Variants in RIMS1 observed in about 807,000 individuals in gnomAD.
RIMS1 encodes the protein regulating synaptic membrane exocytosis 1, also known as regulating synaptic membrane exocytosis protein 1.
RIMS1 carries 83 observed loss-of-function variants against 214.1 expected under a neutral mutation model. The observed-to-expected ratio is 0.39, with a 90% CI of 0.32 to 0.47. The LOEUF (loss-of-function observed/expected upper bound fraction) is 0.47, where lower values mean the gene tolerates loss of function less well. RIMS1 is among the 20% of genes least tolerant of loss of function. The pLI is 0.99. For synonymous variants in RIMS1, 793 were observed against 786.8 expected (o/e 1.01, Z -0.13); for missense variants, 2,050 against 2,161.8 (o/e 0.95, Z 1.03).
At chr6:72,211,685 T>C (rs908279222) in intron 6 of RIMS1, among the ~76,000 whole-genome samples, 3 of 152,146 alleles carry the variant, frequency 2.0e-5, no homozygotes, top group African/African-American at 7.2e-5. Flanking sequence ...AAAGTCAGAT[T>C]AATTTTGCAT....
In RIMS1 at chr6:71,886,867, T is replaced by TCTG. The variant is rs755283556; in HGVS notation, c.-140_-138dup. 310 of 732,696 alleles carry TCTG rather than the reference T, an allele frequency of 4.2e-4. No homozygotes were observed. The highest frequency in any genetic ancestry group is 2.6e-3 in the African/African-American group (146 of 56,616). 45.4% of individuals were successfully genotyped at this position (732,696 alleles called of 1,614,324 possible). On this transcript the variant is annotated 5_prime_UTR_variant, in exon 1 of 34. Coordinates refer to ENST00000521978, the MANE Select transcript of RIMS1 (RefSeq NM_014989.7). The stretch of plus-strand genomic sequence containing the variant: ...AGACTGGGTTCTCGCTCTCCCCGGC[T>TCTG]CTGCTGCTGCTGCTGCTGCCGCCGC...
At chr6:72,269,477 A>G (rs1042471008) in intron 22 of RIMS1, among the ~76,000 whole-genome samples, 14 of 152,178 alleles carry the variant, frequency 9.2e-5, no homozygotes, top group Non-Finnish European at 1.9e-4. Flanking sequence ...ACCCTCCACT[A>G]TGATTGACCA....
intron 4 of RIMS1, among the ~76,000 whole-genome samples, chr6:72,174,190 C>G (rs1296711886): frequency 6.6e-6 from 1 of 152,192 alleles, no homozygotes; most frequent in Non-Finnish European, 1.5e-5. Flanking sequence ...CATACATACA[C>G]TTAGCAGAAA....
rs114708717 is a variant in RIMS1 at position 72,013,008 on chromosome 6, G to A, written c.245+43945G>A. Among the ~76,000 whole-genome samples the A allele has an allele frequency of 7.5e-3, 1,135 of 152,300 alleles. 11 individuals carry two copies. Among genetic ancestry groups the A allele is most frequent in the African/African-American group, 0.026 (1,073 of 41,560 alleles). The stretch of plus-strand genomic sequence containing the variant: ...GTGTTTAAATTATGCCTGTCTCTAT[G>A]TCTATGTAGGTGACGCTGTGCAAAC... On this transcript the variant is annotated intron_variant, in intron 2 of 33. Transcript: ENST00000521978.
intron 2 of RIMS1, among the ~76,000 whole-genome samples, chr6:71,979,936 A>T (rs1180572058): frequency 6.6e-6 from 1 of 152,118 alleles, no homozygotes; most frequent in Non-Finnish European, 1.5e-5. Context: ...AATTAATGTG[A>T]ATATCACTGA....
At chr6:72,013,337 T>C (rs1049603456) in intron 2 of RIMS1, among the ~76,000 whole-genome samples, 2 of 152,240 alleles carry the variant, frequency 1.3e-5, no homozygotes, top group Non-Finnish European at 2.9e-5. Flanking sequence ...GAGAATGTTT[T>C]ACTCTAATTC....
chr6:72,117,460 G>T (rs116758499), intron 4 of RIMS1, among the ~76,000 whole-genome samples: 1,960 of 151,632 alleles, frequency 0.013, 48 homozygotes, highest in African/African-American at 0.045. Context: ...TAGTCCTGTC[G>T]GTGGAATATT....
intron 2 of RIMS1, among the ~76,000 whole-genome samples, chr6:72,027,717 T>A (rs918463762): frequency 4.6e-5 from 7 of 152,150 alleles, no homozygotes; most frequent in Non-Finnish European, 1.0e-4. Flanking sequence ...CACCTGAGAC[T>A]GTATCCCATG....
chr6:71,925,680 G>A (rs1781374135), intron 1 of RIMS1, among the ~76,000 whole-genome samples: 1 of 152,182 alleles, frequency 6.6e-6, no homozygotes, highest in South Asian at 2.1e-4. Flanking sequence ...AGGCAAAGGT[G>A]CAAAATGGTC....
intron 4 of RIMS1, among the ~76,000 whole-genome samples, chr6:72,162,278 T>C (rs1273577111): frequency 7.1e-6 from 1 of 140,550 alleles, no homozygotes; most frequent in Admixed American, 7.3e-5. Flanking sequence ...AGGCTATGTG[T>C]GTCTCTGCAT....
chr6:72,099,117 G>C (rs1161793640), intron 3 of RIMS1, among the ~76,000 whole-genome samples: 1 of 152,212 alleles, frequency 6.6e-6, no homozygotes, highest in African/African-American at 2.4e-5. Context: ...TGCTTGCTAA[G>C]CACCCACAAC....
chr6:71,887,234 G>C lies in RIMS1; in HGVS notation c.164+47G>C, dbSNP rs1371237933. On this transcript the variant is annotated intron_variant, in intron 1 of 33. Coordinates refer to ENST00000521978, the MANE Select transcript of RIMS1 (RefSeq NM_014989.7). ...CATCCATGCCTCCGTGCCTCCATCC[G>C]TCCATTCACCACTCACTCCCCTAGT... 3.4e-5 allele frequency: 53 copies of C among 1,569,334 alleles called. No homozygotes were observed. The Admixed American group carries it at 9.7e-4, about 29-fold the overall frequency.
At chr6:72,383,151 C>T (rs1234362931) in intron 29 of RIMS1, among the ~76,000 whole-genome samples, 1 of 152,120 alleles carries the variant, frequency 6.6e-6, no homozygotes, top group Admixed American at 6.5e-5. Flanking sequence ...TATTCTCTCC[C>T]CTTCTCTTCT....
intron 1 of RIMS1, among the ~76,000 whole-genome samples, chr6:71,910,950 A>G (rs1035112568): frequency 6.6e-6 from 1 of 152,162 alleles, no homozygotes; most frequent in African/African-American, 2.4e-5. Context: ...TTGAAGGAAG[A>G]TAAAGGGATA....
chr6:72,252,414 T>G (rs1040436051), intron 15 of RIMS1, among the ~76,000 whole-genome samples: 1 of 152,166 alleles, frequency 6.6e-6, no homozygotes, highest in Non-Finnish European at 1.5e-5. Flanking sequence ...CTATTCTCTC[T>G]GAACTGCAGA....
chr6:72,376,555 G>C (rs2098385809), intron 29 of RIMS1, among the ~76,000 whole-genome samples: 1 of 152,034 alleles, frequency 6.6e-6, no homozygotes, highest in South Asian at 2.1e-4. Flanking sequence ...AGACCAGCCT[G>C]GGCAACATGA....
intron 4 of RIMS1, among the ~76,000 whole-genome samples, chr6:72,146,137 A>T (rs2496554): frequency 0.62 from 94,434 of 152,092 alleles, 30,080 homozygotes; most frequent in East Asian, 0.84. Context: ...TCTGCATGAC[A>T]TTCATGAGTC....
intron 2 of RIMS1, among the ~76,000 whole-genome samples, chr6:72,008,386 C>T (rs899177939): frequency 6.6e-6 from 1 of 152,140 alleles, no homozygotes; most frequent in African/African-American, 2.4e-5. Context: ...ATTGTAAAGA[C>T]CGTCGAGGCT....
chr6:72,282,641 G>T (rs1328837284), intron 23 of RIMS1, among the ~76,000 whole-genome samples: 1 of 152,032 alleles, frequency 6.6e-6, no homozygotes, highest in Non-Finnish European at 1.5e-5. Context: ...TCCTAGCTTT[G>T]CCACTTTCTA....
Sources: gnomAD v4.1 joint callset for allele counts (sites outside exome capture counted in the v4.1 genomes callset) on GRCh38, gnomAD v4.1.1 for gene constraint, MANE v1.5 for transcripts, NCBI Gene and HGNC (gene_info 2026-07-23, HGNC 2026-07-21) for gene names.